SUMO2: variants seen among roughly 807,000 people sequenced by gnomAD.
SUMO2 encodes the protein small ubiquitin-related modifier 2.
In SUMO2, 1 loss-of-function variant was observed where a neutral mutation model predicts 16.0. That is an observed-to-expected ratio of 0.06 (90% CI 0.02 to 0.30). SUMO2 has a LOEUF of 0.30. Ranked by LOEUF, SUMO2 falls within the 10% of genes least tolerant of loss-of-function variation. The probability of loss-of-function intolerance (pLI) is 1.00; values close to 1 mark genes in which losing one functional copy is unlikely to be tolerated. For synonymous variants in SUMO2, 36 were observed against 40.6 expected, an observed-to-expected ratio of 0.89 and a Z score of 0.43; for missense variants, 16 against 117.5, an observed-to-expected ratio of 0.14 and a Z score of 3.99.
chr17:75,174,633 C>G, intron 3 of SUMO2, 119 bp downstream of exon 3: 1 of 838,082 alleles, frequency 1.2e-6, no homozygotes, highest in South Asian at 2.0e-5. Context: ...GGTCATACTT[C>G]CCAAAGCTCT....
intron 3 of SUMO2, among the ~76,000 whole-genome samples, chr17:75,173,540 T>C (rs552944718): frequency 6.7e-5 from 10 of 149,408 alleles, no homozygotes; most frequent in African/African-American, 2.2e-4. Context: ...AGTGGTACCA[T>C]CTTGGGTGAC....
At chr17:75,181,614 T>C (rs1432990936) in intron 1 of SUMO2, among the ~76,000 whole-genome samples, 1 of 152,142 alleles carries the variant, frequency 6.6e-6, no homozygotes, top group Non-Finnish European at 1.5e-5. Flanking sequence ...AGCCTGCCAT[T>C]CAAAACTCAT....
chr17:75,167,797 C>T lies in SUMO2; in HGVS notation c.*542G>A, dbSNP rs1414500928. 1.9e-5 allele frequency: 3 copies of T among 158,066 alleles called. No homozygotes were observed. Among genetic ancestry groups the T allele is most frequent in the African/African-American group, 4.8e-5 (2 of 41,438 alleles). 9.8% of individuals were successfully genotyped at this position (158,066 alleles called of 1,614,324 possible). A position where few individuals can be genotyped will look rare whatever the true frequency, so the allele number is the denominator to read the frequency against. ...CTTGAAGGGAAAACTATCTAGGATT[C>T]TTTTTTGTTTTAGAGTAATTTATCC... On this transcript the variant is annotated 3_prime_UTR_variant, in exon 4 of 4. Coordinates refer to ENST00000420826, the MANE Select transcript of SUMO2 (RefSeq NM_006937.4).
rs527311507 is a variant in SUMO2, at chr17:75,170,883, A to T, written c.226-2482T>A. On this transcript the variant is annotated intron_variant, in intron 3 of 3. Coordinates refer to ENST00000420826, the MANE Select transcript of SUMO2 (RefSeq NM_006937.4). ...AAAAAAAAAAAACCCAAATTAATAA[A>T]ACATAGTATGCTCAGATATTAAATA... 1.8e-3 allele frequency among the ~76,000 whole-genome samples: 281 copies of T among 151,968 alleles called. 3 individuals carry two copies. Among genetic ancestry groups the T allele is most frequent in the African/African-American group, 6.4e-3 (266 of 41,496 alleles).
Position 75,167,754 on chromosome 17 carries a change from A to G in SUMO2, c.*585T>C, listed in dbSNP as rs2074703473. 1 of 153,570 alleles carries G rather than the reference A, an allele frequency of 6.5e-6. No individual in the cohort carries two copies. Among genetic ancestry groups the G allele is most frequent in the Non-Finnish European group, 1.5e-5 (1 of 68,042 alleles). 9.5% of individuals were successfully genotyped at this position (153,570 alleles called of 1,614,324 possible). On this transcript the variant is annotated 3_prime_UTR_variant, in exon 4 of 4. Transcript: ENST00000420826. Reference sequence around the variant, plus strand: ...CTCATTTTAAACAAGAAGTTTATTTAAACAACAAGACGCTTGACTTGAAGG... The same window carrying G: ...CTCATTTTAAACAAGAAGTTTATTTGAACAACAAGACGCTTGACTTGAAGG...
At chr17:75,175,823 G>A (rs1352910922) in intron 2 of SUMO2, among the ~76,000 whole-genome samples, 3 of 151,768 alleles carry the variant, frequency 2.0e-5, no homozygotes, top group African/African-American at 7.3e-5. Flanking sequence ...AGTAGAGACA[G>A]GGTTTCACCA....
At chr17:75,168,538 T>A in intron 3 of SUMO2, 137 bp from the exon 4 acceptor site, 1 of 688,660 alleles carries the variant, frequency 1.5e-6, no homozygotes, top group Non-Finnish European at 2.4e-6. Flanking sequence ...TCTCATAGCT[T>A]AATGTATCAA....
intron 3 of SUMO2, among the ~76,000 whole-genome samples, chr17:75,169,068 GA>G (rs796178767): frequency 2.2e-3 from 306 of 137,096 alleles, no homozygotes; most frequent in South Asian, 3.0e-3. Flanking sequence ...AAAAAAAAAG[GA>G]AAAAAAAAAA....
rs140644374 is a variant in SUMO2 at position 75,172,325 on chromosome 17, C to CTTCTTTTTTTTT, written c.225+2426_225+2427insAAAAAAAAAGAA. On this transcript the variant is annotated intron_variant, in intron 3 of 3. Transcript: ENST00000420826. ...ACAGTCGTGAGCTACTGTACCCAGACTTTTTTTTTTTTTTTTTTGAGACAG... is the reference window on the plus strand; with the variant it reads ...ACAGTCGTGAGCTACTGTACCCAGACTTCTTTTTTTTTTTTTTTTTTTTTTTTTTTGAGACAG... Among the ~76,000 whole-genome samples the CTTCTTTTTTTTT allele has an allele frequency of 1.8e-5, 2 of 109,418 alleles. 1 individual carries two copies. Among genetic ancestry groups the CTTCTTTTTTTTT allele is most frequent in the Non-Finnish European group, 3.6e-5 (2 of 55,720 alleles). The allele number at this position is 109,418 out of a possible 152,430, so 71.8% of individuals were successfully genotyped here.
In SUMO2 at chr17:75,167,567, A is replaced by G. The variant is rs1363070353; in HGVS notation, c.*772T>C. 4 of 152,148 alleles carry G rather than the reference A, an allele frequency of 2.6e-5. No individual in the cohort carries two copies. Among genetic ancestry groups the G allele is most frequent in the African/African-American group, 7.2e-5 (3 of 41,444 alleles). 9.4% of individuals were successfully genotyped at this position (152,148 alleles called of 1,614,324 possible). ...CTAGAGAAACTTTTGGAACAAGGTG[A>G]TATTTATAAAACTGTTATTCTTTGT... On this transcript the variant is annotated 3_prime_UTR_variant, in exon 4 of 4. Transcript: ENST00000420826.
intron 2 of SUMO2, 70 bp from the exon 3 acceptor site, chr17:75,174,893 C>G: frequency 7.6e-7 from 1 of 1,311,982 alleles, no homozygotes. Flanking sequence ...AAAGTACATG[C>G]ATATTTAACC....
chr17:75,171,028 G>A (rs1427871930), intron 3 of SUMO2, among the ~76,000 whole-genome samples: 1 of 151,402 alleles, frequency 6.6e-6, no homozygotes, highest in Non-Finnish European at 1.5e-5. Flanking sequence ...CCAACTCGGT[G>A]CACTGACTAT....
chr17:75,179,872 G>A (rs938457137), intron 2 of SUMO2, among the ~76,000 whole-genome samples: 1 of 152,036 alleles, frequency 6.6e-6, no homozygotes, highest in African/African-American at 2.4e-5. Flanking sequence ...TGGTGGCCAG[G>A]CTGATGTCAA....
At chr17:75,180,407 A>AAAAC (rs2074818629) in intron 2 of SUMO2, among the ~76,000 whole-genome samples, 1 of 145,142 alleles carries the variant, frequency 6.9e-6, no homozygotes, top group Non-Finnish European at 1.5e-5. Flanking sequence ...AAAAAAAAAA[A>AAAAC]AAAAAAAAAA....
At chr17:75,176,488 C>T (rs1457611556) in intron 2 of SUMO2, among the ~76,000 whole-genome samples, 1 of 151,886 alleles carries the variant, frequency 6.6e-6, no homozygotes, top group East Asian at 1.9e-4. Context: ...TGGTGGCATC[C>T]GCCTGTAATC....
In SUMO2 at chr17:75,166,126, C is replaced by T. The variant is rs2074691166; in HGVS notation, c.*2213G>A. The T allele has an allele frequency of 6.6e-6, 1 of 152,078 alleles. No homozygotes were observed. Among genetic ancestry groups the T allele is most frequent in the African/African-American group, 2.4e-5 (1 of 41,384 alleles). The allele number at this position is 152,078 out of a possible 1,614,324, so 9.4% of individuals were successfully genotyped here. On this transcript the variant is annotated 3_prime_UTR_variant, in exon 4 of 4. Transcript: ENST00000420826. ...GGAGGCCAAGACAAGGGACTGAGGC[C>T]AGAAGTTCGAGACCAAACTGGTCAA...
intron 2 of SUMO2, among the ~76,000 whole-genome samples, 153 bp from the exon 3 acceptor site, chr17:75,174,976 G>A (rs926970237): frequency 1.3e-5 from 2 of 152,038 alleles, no homozygotes; most frequent in Non-Finnish European, 2.9e-5. Flanking sequence ...AAAAAGATTT[G>A]GGGTGATTTT....
chr17:75,169,933 T>A (rs1350527873), intron 3 of SUMO2, among the ~76,000 whole-genome samples: 1 of 150,480 alleles, frequency 6.6e-6, no homozygotes, highest in Non-Finnish European at 1.5e-5. Flanking sequence ...GGCAGGCAGA[T>A]CACCTGAGGT....
chr17:75,173,190 G>A (rs746454605), intron 3 of SUMO2, among the ~76,000 whole-genome samples: 1 of 152,128 alleles, frequency 6.6e-6, no homozygotes, highest in Non-Finnish European at 1.5e-5. Flanking sequence ...TTGAGACAGA[G>A]TTTTGCTCTA....
Sources: allele counts gnomAD v4.1 joint callset (sites outside exome capture counted in the v4.1 genomes callset), GRCh38; gene constraint gnomAD v4.1.1; transcripts MANE v1.5; gene names NCBI Gene and HGNC (gene_info 2026-07-23, HGNC 2026-07-21).